Variants in ASCC2 observed in about 807,000 individuals in gnomAD.
ASCC2 encodes ASC-1 complex subunit P100.
In ASCC2, 42 loss-of-function variants were observed where a neutral mutation model predicts 93.5. The ratio of observed to expected loss-of-function variants is 0.45; its 90% CI spans 0.35 to 0.58. The LOEUF (loss-of-function observed/expected upper bound fraction) is 0.58, where lower values mean the gene tolerates loss of function less well. ASCC2 is among the 20% of genes least tolerant of loss of function. The pLI, the probability that ASCC2 is intolerant of heterozygous loss-of-function variation, is 0.00. For missense variants in ASCC2, 859 were observed against 977.6 expected, an observed-to-expected ratio of 0.88 and a Z score of 1.62; for synonymous variants, 364 against 384.2, an observed-to-expected ratio of 0.95 and a Z score of 0.62.
At chr22:29,835,420 A>AT (rs979864676) in intron 1 of ASCC2, among the ~76,000 whole-genome samples, 3 of 151,188 alleles carry the variant, frequency 2.0e-5, no homozygotes, top group East Asian at 1.9e-4. Context: ...AAAAAAAAAA[A>AT]TTTTTTTTCT....
At chr22:29,830,858 G>A (rs188427870) in intron 2 of ASCC2, among the ~76,000 whole-genome samples, 1 of 152,220 alleles carries the variant, frequency 6.6e-6, no homozygotes, top group South Asian at 2.1e-4. Context: ...GGAGTAAAGG[G>A]CAAGGACCAG....
Position 29,816,091 on chromosome 22 carries a change from AG to A in ASCC2, c.542-19del. 4 of 1,577,160 alleles carry A rather than the reference AG, an allele frequency of 2.5e-6. No homozygotes were observed. The highest frequency in any genetic ancestry group is 3.5e-6 in the Non-Finnish European group (4 of 1,158,046). ...GATGTTTCCTAAAAAGAGAAGAGAA[AG>A]GTTGGAATTGAGAAAAGGTGGGGGC... is the stretch of plus-strand genomic sequence containing the variant. On this transcript the variant is annotated intron_variant, in intron 5 of 19. Transcript: ENST00000307790.
In ASCC2 at chr22:29,788,627, A is replaced by T. The variant is rs564097578; in HGVS notation, c.*386T>A. The T allele has an allele frequency of 5.5e-4, 132 of 239,352 alleles. 1 individual carries two copies. In the South Asian group the frequency reaches 7.7e-3, roughly 14 times the overall value. 14.8% of individuals were successfully genotyped at this position (239,352 alleles called of 1,614,324 possible). A position where few individuals can be genotyped will look rare whatever the true frequency, so the allele number is the denominator to read the frequency against. ...CACAGATCGTTTGAAAGGGTCAAAA[A>T]TTTTATTAGCAGGACTTTTTGTGTT... On this transcript the variant is annotated 3_prime_UTR_variant, in exon 20 of 20. Transcript: ENST00000307790.
chr22:29,791,055 AGGCTTTGGT>A (rs1354477939), intron 18 of ASCC2, among the ~76,000 whole-genome samples: 1 of 152,050 alleles, frequency 6.6e-6, no homozygotes, highest in Non-Finnish European at 1.5e-5. Flanking sequence ...GACCACAGAC[AGGCTTTGGT>A]GGCCAGTAGC....
rs965768821 is a variant in ASCC2, at chr22:29,825,807, C to T, written c.82-27G>A. 2.5e-5 allele frequency: 39 copies of T among 1,589,582 alleles called. No homozygotes were observed. The highest frequency in any genetic ancestry group is 1.7e-4 in the Middle Eastern group (1 of 5,960). On this transcript the variant is annotated intron_variant, in intron 2 of 19. Transcript: ENST00000307790. The surrounding 1 kb of genome is among the most constrained non-coding windows in gnomAD (Gnocchi z 4.9). Reference sequence around the variant, plus strand: ...TACGGATCCAAAAACCACGTGTTAACGTGGCAGAGGTTAGTCAGCGAGGGC... The same window carrying T: ...TACGGATCCAAAAACCACGTGTTAATGTGGCAGAGGTTAGTCAGCGAGGGC...
chr22:29,815,999 C>A lies in ASCC2; in HGVS notation c.609+7G>T. 6.3e-7 allele frequency: 1 copy of A among 1,583,994 alleles called. No homozygotes were observed. Among genetic ancestry groups the A allele is most frequent in the South Asian group, 1.2e-5 (1 of 86,518 alleles). ...AACCTCCCCTGCGCAGGGCCAAGAG[C>A]TGGTACCTGAAGGATGGTAGGCAGG... On this transcript the variant is annotated splice_region_variant and intron_variant, in intron 6 of 19. Transcript: ENST00000307790.
rs551529562 is a variant in ASCC2, at chr22:29,801,106, T to G, written c.1573A>C (p.Met525Leu). 4 of 1,596,990 alleles carry G rather than the reference T, an allele frequency of 2.5e-6. No homozygotes were observed. The African/African-American group carries it at 5.4e-5, about 21-fold the overall frequency. ...SQLDRNLDRE[M>L]KPDPTPLLTS... ...AGCAGGGGTGTAGGGTCTGGTTTCA[T>G]TTCTCTGGGTGGGGGACACAGAGAT... is the stretch of plus-strand genomic sequence containing the variant. The change falls in exon 15 of 20, where the codon ATG (methionine) becomes CTG (leucine). Residue 525 changes from methionine (M) to leucine (L), a missense_variant. Physicochemically the swap from Met to Leu is conservative, Grantham distance 15. Coordinates refer to ENST00000307790, the MANE Select transcript of ASCC2 (RefSeq NM_032204.5).
chr22:29,832,319 C>T lies in ASCC2; in HGVS notation c.7G>A (p.Ala3Thr), dbSNP rs780611232. MPALPLDQLQITH... is the reference protein window; with the variant it reads MPTLPLDQLQITH... ...ATCTGGAGTTGGTCCAGGGGCAGAG[C>T]TGGCATTGTGCTGCGTGACCCTCCT... The change falls in exon 2 of 20, where the codon GCT (alanine) becomes ACT (threonine). Residue 3 changes from alanine (A) to threonine (T), a missense_variant. By Grantham distance (58) the Ala-to-Thr change is moderately conservative. Coordinates refer to ENST00000307790, the MANE Select transcript of ASCC2 (RefSeq NM_032204.5). 6.2e-7 allele frequency: 1 copy of T among 1,613,648 alleles called. No individual in the cohort carries two copies. The highest frequency in any genetic ancestry group is 8.5e-7 in the Non-Finnish European group (1 of 1,179,760).
chr22:29,825,104 T>C lies in ASCC2; in HGVS notation c.394A>G (p.Thr132Ala). Residue 132 changes from threonine (T) to alanine (A), a missense_variant, in exon 4 of 20, where the codon ACT becomes GCT. Transcript: ENST00000307790. The surrounding 1 kb of genome is among the most constrained non-coding windows in gnomAD (Gnocchi z 4.9). ...SVFLTFLRMS[T>A]HKESKDHFIS... is the part of the protein sequence containing the mutation. ...TGGCTTACTTTGGATTCCTTGTGAG[T>C]GGACATGCGGAGGAAGGTGAGAAAA... 6.7e-7 allele frequency: 1 copy of C among 1,499,376 alleles called. No individual in the cohort carries two copies. The highest frequency in any genetic ancestry group is 8.9e-7 in the Non-Finnish European group (1 of 1,121,122). The allele number at this position is 1,499,376 out of a possible 1,614,324, so 92.9% of individuals were successfully genotyped here.
intron 13 of ASCC2, among the ~76,000 whole-genome samples, chr22:29,803,935 C>A (rs563433143): frequency 6.6e-6 from 1 of 152,340 alleles, no homozygotes; most frequent in Non-Finnish European, 1.5e-5. Flanking sequence ...GGAATCCCAA[C>A]ACCTCATGGA....
chr22:29,805,213 T>A (rs1219353440), intron 12 of ASCC2, among the ~76,000 whole-genome samples: 3 of 152,202 alleles, frequency 2.0e-5, no homozygotes, highest in Admixed American at 2.0e-4. Flanking sequence ...CTGCAAAGGC[T>A]GTGGGCCATC....
Position 29,806,269 on chromosome 22 carries a change from T to G in ASCC2, c.1107A>C (p.Ala369=). The G allele has an allele frequency of 6.2e-7, 1 of 1,613,700 alleles. No homozygotes were observed. Among genetic ancestry groups the G allele is most frequent in the East Asian group, 2.2e-5 (1 of 44,838 alleles). The part of the protein sequence containing the change: ...QEKRFLRDYD[A]LFPVAEDISL... ...TGATGTCTTCGGCCACGGGGAAGAGTGCATCATAGTCCCGGAGGAACCTGC... is the reference window on the plus strand; with the variant it reads ...TGATGTCTTCGGCCACGGGGAAGAGGGCATCATAGTCCCGGAGGAACCTGC... Residue 369 remains alanine (A), a synonymous_variant, in exon 12 of 20, where the codon GCA becomes GCC. Transcript: ENST00000307790.
chr22:29,814,013 G>C (rs1421656952), intron 7 of ASCC2, among the ~76,000 whole-genome samples: 3 of 152,226 alleles, frequency 2.0e-5, no homozygotes, highest in Admixed American at 2.0e-4. Flanking sequence ...AGGCTGGGAA[G>C]CTATTGAGGA....
chr22:29,797,524 C>T (rs2058583506), intron 15 of ASCC2, among the ~76,000 whole-genome samples: 1 of 152,210 alleles, frequency 6.6e-6, no homozygotes, highest in Non-Finnish European at 1.5e-5. Flanking sequence ...TGCTTTGCCA[C>T]TTCCTGGGCT....
intron 1 of ASCC2, among the ~76,000 whole-genome samples, chr22:29,836,115 C>A (rs562764159): frequency 6.6e-6 from 1 of 152,004 alleles, no homozygotes; most frequent in Admixed American, 6.6e-5. Flanking sequence ...AGCCATGATA[C>A]GTCACTGAAC....
At chr22:29,807,782 G>A (rs964624755) in intron 9 of ASCC2, among the ~76,000 whole-genome samples, 5 of 151,964 alleles carry the variant, frequency 3.3e-5, no homozygotes, top group African/African-American at 9.7e-5. Context: ...GGTGGCACAC[G>A]CCTATAATCC....
At position 29,801,088 on chromosome 22, in the gene ASCC2, G is replaced by T. The variant is rs2059024278; in HGVS notation, c.1591C>A (p.Pro531Thr). 1.2e-6 allele frequency: 2 copies of T among 1,604,330 alleles called. No individual in the cohort carries two copies. Among genetic ancestry groups the T allele is most frequent in the Non-Finnish European group, 1.7e-6 (2 of 1,172,018 alleles). Residue 531 changes from proline (P) to threonine (T), a missense_variant, in exon 15 of 20, where the codon CCC becomes ACC. Pro to Thr is a conservative substitution (Grantham distance 38, BLOSUM62 -1). Transcript: ENST00000307790. ...ACGTTGTGGCGAGACGTCAGCAGGG[G>T]TGTAGGGTCTGGTTTCATTTCTCTG... ...LDREMKPDPT[P>T]LLTSRHNVFQ...
chr22:29,821,866 G>A (rs1474532466), intron 5 of ASCC2: 2 of 401,136 alleles, frequency 5.0e-6, no homozygotes, highest in African/African-American at 2.2e-5. Flanking sequence ...AGGCATGGTG[G>A]TGTGCACCTG....
intron 1 of ASCC2, 117 bp downstream of exon 1, chr22:29,838,061 A>G (rs1053135557): frequency 7.1e-6 from 3 of 422,672 alleles, no homozygotes; most frequent in African/African-American, 6.2e-5. Context: ...AGGTAGCGTA[A>G]GCGTGGGCCC....
Sources: allele counts gnomAD v4.1 joint callset (sites outside exome capture counted in the v4.1 genomes callset), GRCh38; gene constraint gnomAD v4.1.1; non-coding constraint Gnocchi (gnomAD v3.1); transcripts MANE v1.5; gene names NCBI Gene and HGNC (gene_info 2026-07-23, HGNC 2026-07-21).